The following ZNF469 variants were observed in gnomAD, a reference collection of about 807,000 sequenced individuals.
The protein encoded by ZNF469 is zinc finger protein 469.
In ZNF469, 1 loss-of-function variant was observed where a neutral mutation model predicts 1.0. That is an observed-to-expected ratio of 1.00 (90% CI 0.35 to 4.73). The LOEUF (loss-of-function observed/expected upper bound fraction) is 4.73, where lower values mean the gene tolerates loss of function less well. Ranked by LOEUF, ZNF469 falls within the 30% of genes most tolerant of loss-of-function variation. The pLI, the probability that ZNF469 is intolerant of heterozygous loss-of-function variation, is 0.16. For missense variants in ZNF469, 6,100 were observed against 5,356.3 expected, an observed-to-expected ratio of 1.14 and a Z score of -4.33; for synonymous variants, 2,703 against 2,363.4, an observed-to-expected ratio of 1.14 and a Z score of -4.17.
chr16:88,176,438 C>T, the ZNF469 span, among the ~76,000 whole-genome samples: 1 of 151,020 alleles, frequency 6.6e-6, no homozygotes, highest in Admixed American at 6.6e-5. Context: ...ATTTCAGAGG[C>T]GTCAAAGAAG....
At chr16:88,376,877 G>A in the ZNF469 span, among the ~76,000 whole-genome samples, 1 of 152,208 alleles carries the variant, frequency 6.6e-6, no homozygotes, top group African/African-American at 2.4e-5. Flanking sequence ...TGTGGTGTGT[G>A]CCCAGCCCAG....
intron 1 of ZNF469, among the ~76,000 whole-genome samples, chr16:88,409,870 G>T (rs1597196826): frequency 2.7e-3 from 2 of 728 alleles, no homozygotes; most frequent in African/African-American, 2.9e-3. Flanking sequence ...CTTGGCCGGG[G>T]GGGGGGGGGG....
the ZNF469 span, among the ~76,000 whole-genome samples, chr16:88,163,612 A>AGATGGATGGATG: frequency 7.7e-6 from 1 of 129,752 alleles, no homozygotes; most frequent in African/African-American, 3.0e-5. Flanking sequence ...GTGCATTGGT[A>AGATGGATGGATG]GATGGATGGA....
chr16:88,351,127 G>A, the ZNF469 span, among the ~76,000 whole-genome samples: 25 of 152,212 alleles, frequency 1.6e-4, no homozygotes, highest in African/African-American at 6.0e-4. Context: ...AGTCACTCCA[G>A]GTGCTCAGGA....
At chr16:88,259,355 C>T in the ZNF469 span, among the ~76,000 whole-genome samples, 3 of 152,044 alleles carry the variant, frequency 2.0e-5, no homozygotes, top group Admixed American at 2.0e-4. This position sits in a 1 kb window ranked among gnomAD's most constrained non-coding sequence, Gnocchi z 4.1. Context: ...TCCCTCTGCC[C>T]GCCAGATTCT....
At chr16:88,135,752 T>TTTTC in the ZNF469 span, among the ~76,000 whole-genome samples, 3 of 36,570 alleles carry the variant, frequency 8.2e-5, no homozygotes, top group Admixed American at 3.7e-4. Flanking sequence ...GGCCATGTTT[T>TTTTC]TTTTTTTTTT....
chr16:88,236,777 G>T, the ZNF469 span, among the ~76,000 whole-genome samples: 8 of 151,958 alleles, frequency 5.3e-5, no homozygotes, highest in Middle Eastern at 3.4e-3. Flanking sequence ...TGAGGCAAGA[G>T]AATCGCTTGA....
the ZNF469 span, among the ~76,000 whole-genome samples, chr16:88,313,909 T>C: frequency 2.6e-4 from 40 of 151,696 alleles, 1 homozygote; most frequent in African/African-American, 8.7e-4. Context: ...TGGACTGTCA[T>C]CTCTGTAATT....
the ZNF469 span, among the ~76,000 whole-genome samples, chr16:88,148,428 A>C: frequency 6.6e-6 from 1 of 152,260 alleles, no homozygotes; most frequent in South Asian, 2.1e-4. Flanking sequence ...GGTGCCTCCC[A>C]CCAGCGTCCC....
At chr16:88,170,527 C>A in the ZNF469 span, among the ~76,000 whole-genome samples, 20 of 152,174 alleles carry the variant, frequency 1.3e-4, no homozygotes, top group Non-Finnish European at 2.5e-4. The surrounding 1 kb of genome is among the most constrained non-coding windows in gnomAD (Gnocchi z 4.2). Flanking sequence ...TAAGTGAGAT[C>A]GTGCAGTGTT....
the ZNF469 span, among the ~76,000 whole-genome samples, chr16:88,191,958 A>AG: frequency 6.6e-6 from 1 of 151,918 alleles, no homozygotes; most frequent in Non-Finnish European, 1.5e-5. Context: ...TGGTATTTGG[A>AG]GGGGGGGACT....
At chr16:88,421,408 C>A (rs1905452800) in intron 1 of ZNF469, among the ~76,000 whole-genome samples, 1 of 152,194 alleles carries the variant, frequency 6.6e-6, no homozygotes, top group Non-Finnish European at 1.5e-5. Flanking sequence ...GAAACCCACA[C>A]CGACAGGCTG....
At chr16:88,225,031 C>G in the ZNF469 span, among the ~76,000 whole-genome samples, 2 of 152,202 alleles carry the variant, frequency 1.3e-5, no homozygotes, top group African/African-American at 4.8e-5. Context: ...TGAGCGTGGG[C>G]TGCTCTGCTC....
chr16:88,360,557 C>G, the ZNF469 span, among the ~76,000 whole-genome samples: 23 of 128,574 alleles, frequency 1.8e-4, no homozygotes, highest in Non-Finnish European at 2.9e-4. Context: ...CAGTCCACCC[C>G]CAGACAGCGC....
chr16:88,318,282 G>A, the ZNF469 span, among the ~76,000 whole-genome samples: 1 of 152,200 alleles, frequency 6.6e-6, no homozygotes, highest in Non-Finnish European at 1.5e-5. Flanking sequence ...AGTGGGCCCG[G>A]GTCTGTTACA....
At chr16:88,159,975 T>A in the ZNF469 span, among the ~76,000 whole-genome samples, 5 of 152,326 alleles carry the variant, frequency 3.3e-5, no homozygotes, top group East Asian at 9.7e-4. Flanking sequence ...GCAGCAGGTA[T>A]TTGGGCCCAA....
chr16:88,244,090 T>A, the ZNF469 span, among the ~76,000 whole-genome samples: 1 of 148,774 alleles, frequency 6.7e-6, no homozygotes, highest in Non-Finnish European at 1.5e-5. Context: ...GATGGATAGG[T>A]AGATGGCTGA....
chr16:88,199,392 A>G, the ZNF469 span, among the ~76,000 whole-genome samples: 1 of 152,354 alleles, frequency 6.6e-6, no homozygotes. Context: ...AGGGCTCACC[A>G]GTCACTGCAG....
the ZNF469 span, among the ~76,000 whole-genome samples, chr16:88,318,828 G>A: frequency 6.6e-6 from 1 of 152,270 alleles, no homozygotes; most frequent in Non-Finnish European, 1.5e-5. Context: ...CGTGCAAGGG[G>A]GAGAAGCCCC....
Sources: allele counts gnomAD v4.1 joint callset (sites outside exome capture counted in the v4.1 genomes callset), GRCh38; gene constraint gnomAD v4.1.1; non-coding constraint Gnocchi (gnomAD v3.1); transcripts MANE v1.5; gene names NCBI Gene and HGNC (gene_info 2026-07-23, HGNC 2026-07-21).